Variants in GAS2 observed in about 807,000 individuals in gnomAD.
The protein encoded by GAS2 is growth arrest-specific protein 2.
GAS2 carries 20 observed loss-of-function variants against 37.5 expected under a neutral mutation model. The observed-to-expected ratio is 0.53, with a 90% CI of 0.37 to 0.77. The LOEUF is 0.77. Among genes scored for constraint, GAS2 ranks in the 30% least tolerant of loss-of-function variants. GAS2 has a pLI of 0.00. For missense variants in GAS2, 336 were observed against 373.4 expected (o/e 0.90, Z 0.82); for synonymous variants, 144 against 132.2 (o/e 1.09, Z -0.61).
At chr11:22,774,313 C>G (rs1855141765) in intron 7 of GAS2, among the ~76,000 whole-genome samples, 1 of 152,122 alleles carries the variant, frequency 6.6e-6, no homozygotes, top group Non-Finnish European at 1.5e-5. Flanking sequence ...ATTTTATGTT[C>G]AGTGATCTCC....
chr11:22,756,092 A>G lies in GAS2; in HGVS notation c.723+139A>G, dbSNP rs540994658. On this transcript the variant is annotated intron_variant, in intron 7 of 7. Coordinates refer to ENST00000454584, the MANE Select transcript of GAS2 (RefSeq NM_001143830.3). ...ACATGGTATGAATTTTTTTAAAGTA[A>G]CATACATTATAATGTACTACTGAAG... The G allele has an allele frequency of 5.0e-4, 308 of 612,326 alleles. 1 individual carries two copies. The highest frequency in any genetic ancestry group is 1.1e-3 in the African/African-American group (59 of 53,950). The allele number at this position is 612,326 out of a possible 1,614,324, so 37.9% of individuals were successfully genotyped here. A position where few individuals can be genotyped will look rare whatever the true frequency, so the allele number is the denominator to read the frequency against.
intron 7 of GAS2, among the ~76,000 whole-genome samples, chr11:22,759,175 T>G (rs1222884549): frequency 6.6e-6 from 1 of 152,192 alleles, no homozygotes; most frequent in Non-Finnish European, 1.5e-5. Flanking sequence ...CCTGCAAATT[T>G]CAAAGGAAGA....
Position 22,810,315 on chromosome 11 carries a change from A to C in GAS2, c.724-1483A>C, listed in dbSNP as rs144430195. On this transcript the variant is annotated intron_variant, in intron 7 of 7. Transcript: ENST00000454584. ...TGAGGGGTCTCATGTCTCATTGTCCAGATGCGGTGTTCTGGTAAGTTTCAG... is the reference window on the plus strand; with the variant it reads ...TGAGGGGTCTCATGTCTCATTGTCCCGATGCGGTGTTCTGGTAAGTTTCAG... Among the ~76,000 whole-genome samples the C allele has an allele frequency of 4.7e-4, 70 of 150,230 alleles. 1 individual carries two copies. The East Asian group carries it at 0.012, about 27-fold the overall frequency.
intron 3 of GAS2, among the ~76,000 whole-genome samples, chr11:22,699,244 G>A (rs1396032810): frequency 6.6e-6 from 1 of 152,166 alleles, no homozygotes; most frequent in African/African-American, 2.4e-5. Context: ...AGAATGAAGG[G>A]AGAATTCTAA....
intron 4 of GAS2, among the ~76,000 whole-genome samples, chr11:22,732,390 C>T (rs779219093): frequency 4.6e-5 from 7 of 151,600 alleles, no homozygotes; most frequent in Non-Finnish European, 8.9e-5. Context: ...AATGGACACT[C>T]CTTGTTCAAA....
At chr11:22,705,488 A>G (rs746260873) in intron 3 of GAS2, among the ~76,000 whole-genome samples, 2 of 152,226 alleles carry the variant, frequency 1.3e-5, no homozygotes, top group Non-Finnish European at 2.9e-5. Flanking sequence ...GATCTGATAA[A>G]TAAAAGAAGA....
chr11:22,691,191 C>T (rs148264490), intron 3 of GAS2, among the ~76,000 whole-genome samples: 56 of 152,224 alleles, frequency 3.7e-4, no homozygotes, highest in African/African-American at 1.2e-3. Flanking sequence ...GAATATTAAC[C>T]GTCTAAATGT....
chr11:22,668,498 C>A (rs1849075310), intron 1 of GAS2, among the ~76,000 whole-genome samples: 1 of 151,976 alleles, frequency 6.6e-6, no homozygotes, highest in African/African-American at 2.4e-5. Context: ...TATTGCTAAA[C>A]ACTATGCTGT....
chr11:22,779,038 G>C (rs920450872), intron 7 of GAS2, among the ~76,000 whole-genome samples: 27 of 139,438 alleles, frequency 1.9e-4, no homozygotes, highest in Non-Finnish European at 3.6e-4. Context: ...ATCCCATTAA[G>C]TTTTTTGTTT....
At chr11:22,800,618 C>T (rs1856620094) in intron 7 of GAS2, among the ~76,000 whole-genome samples, 1 of 152,002 alleles carries the variant, frequency 6.6e-6, no homozygotes, top group Non-Finnish European at 1.5e-5. Flanking sequence ...ACTCCTGCTG[C>T]CCTCAGTTTT....
At chr11:22,739,618 CA>C (rs1433489998) in intron 5 of GAS2, among the ~76,000 whole-genome samples, 4 of 114,378 alleles carry the variant, frequency 3.5e-5, no homozygotes, top group African/African-American at 1.2e-4. Context: ...GTTAAAAATA[CA>C]AGGGGTAGGA....
chr11:22,782,886 T>C (rs1027741351), intron 7 of GAS2, among the ~76,000 whole-genome samples: 4 of 151,894 alleles, frequency 2.6e-5, no homozygotes, highest in Admixed American at 6.6e-5. Flanking sequence ...TTTGCTCTTG[T>C]GAATAGTGCT....
Position 22,764,561 on chromosome 11 carries a change from C to CAAA in GAS2, c.723+8625_723+8627dup, listed in dbSNP as rs71311297. Among the ~76,000 whole-genome samples the CAAA allele has an allele frequency of 3.1e-3, 193 of 61,582 alleles. 7 individuals carry two copies. In the East Asian group the frequency reaches 0.054, roughly 17 times the overall value. The allele number at this position is 61,582 out of a possible 152,430, so 40.4% of individuals were successfully genotyped here. A position where few individuals can be genotyped will look rare whatever the true frequency, so the allele number is the denominator to read the frequency against. ...TGGATGACAGAGCAAGACTCCGTCT[C>CAAA]AAAAAAAAAAAAAAAAAAAGAACAA... On this transcript the variant is annotated intron_variant, in intron 7 of 7. Coordinates refer to ENST00000454584, the MANE Select transcript of GAS2 (RefSeq NM_001143830.3).
chr11:22,696,977 G>A (rs1475878351), intron 3 of GAS2, among the ~76,000 whole-genome samples: 1 of 149,788 alleles, frequency 6.7e-6, no homozygotes, highest in Non-Finnish European at 1.5e-5. Context: ...TTTGGCTTTT[G>A]TTGCCATTGC....
At chr11:22,808,777 A>G (rs1287119812) in intron 7 of GAS2, among the ~76,000 whole-genome samples, 6 of 152,204 alleles carry the variant, frequency 3.9e-5, no homozygotes, top group African/African-American at 1.4e-4. Flanking sequence ...GCTCTCTCGA[A>G]CAGTGGTAGA....
intron 2 of GAS2, among the ~76,000 whole-genome samples, chr11:22,681,385 A>T (rs751380434): frequency 1.2e-4 from 19 of 152,180 alleles, no homozygotes; most frequent in Non-Finnish European, 2.2e-4. Flanking sequence ...CCTGATTTTG[A>T]TCTACTGGCA....
At chr11:22,649,266 C>A (rs1398232400) in intron 1 of GAS2, among the ~76,000 whole-genome samples, 1 of 152,156 alleles carries the variant, frequency 6.6e-6, no homozygotes, top group African/African-American at 2.4e-5. Context: ...AGAGATGAAA[C>A]CCACTTGATC....
At chr11:22,726,946 A>G (rs1852246253) in intron 4 of GAS2, among the ~76,000 whole-genome samples, 1 of 152,146 alleles carries the variant, frequency 6.6e-6, no homozygotes, top group South Asian at 2.1e-4. Flanking sequence ...CAAGATAACA[A>G]GAGATTAATA....
At chr11:22,716,597 G>A (rs1851688916) in intron 3 of GAS2, among the ~76,000 whole-genome samples, 2 of 150,570 alleles carry the variant, frequency 1.3e-5, no homozygotes, top group African/African-American at 2.5e-5. Context: ...CCAAGCTCAC[G>A]CCACTGCACT....
Sources: allele counts gnomAD v4.1 joint callset (sites outside exome capture counted in the v4.1 genomes callset), GRCh38; gene constraint gnomAD v4.1.1; transcripts MANE v1.5; gene names NCBI Gene and HGNC (gene_info 2026-07-23, HGNC 2026-07-21).